The following SUGCT variants were observed in gnomAD, a reference collection of about 807,000 sequenced individuals.
The protein encoded by SUGCT is succinyl-CoA:glutarate-CoA transferase, also known as succinyl-CoA:glutarate CoA-transferase.
A neutral mutation model predicts 55.0 loss-of-function variants in SUGCT; 41 were observed. The ratio of observed to expected loss-of-function variants is 0.74; its 90% CI spans 0.58 to 0.97. SUGCT has a LOEUF of 0.97. SUGCT is among the 50% of genes least tolerant of loss of function. The pLI, the probability that SUGCT is intolerant of heterozygous loss-of-function variation, is 0.00. For synonymous variants in SUGCT, 187 were observed against 200.4 expected, an observed-to-expected ratio of 0.93 and a Z score of 0.56; for missense variants, 568 against 547.8, an observed-to-expected ratio of 1.04 and a Z score of -0.37.
chr7:40,599,862 C>T (rs1033962381), intron 12 of SUGCT, among the ~76,000 whole-genome samples: 4 of 152,138 alleles, frequency 2.6e-5, no homozygotes, highest in African/African-American at 9.7e-5. Context: ...TATATGGATA[C>T]TGGTCTCAGC....
intron 8 of SUGCT, among the ~76,000 whole-genome samples, chr7:40,309,977 A>C (rs1170895401): frequency 3.3e-5 from 5 of 152,080 alleles, no homozygotes; most frequent in African/African-American, 9.7e-5. Context: ...ATGTGTGCTA[A>C]ATTCTAAATA....
chr7:40,632,679 T>G (rs1201516570), intron 12 of SUGCT, among the ~76,000 whole-genome samples: 2 of 151,964 alleles, frequency 1.3e-5, no homozygotes, highest in African/African-American at 4.8e-5. Flanking sequence ...ATTCATTTGT[T>G]CAAAAAAGAT....
chr7:40,488,990 A>C (rs1791535975), intron 11 of SUGCT, among the ~76,000 whole-genome samples: 1 of 152,128 alleles, frequency 6.6e-6, no homozygotes, highest in South Asian at 2.1e-4. Context: ...TTTTTCCATG[A>C]ACAAATATTT....
chr7:40,407,434 T>C (rs1786432183), intron 9 of SUGCT, among the ~76,000 whole-genome samples: 1 of 151,838 alleles, frequency 6.6e-6, no homozygotes, highest in Admixed American at 6.6e-5. Flanking sequence ...TTAAAGTTGA[T>C]GAAAATATAA....
intron 8 of SUGCT, among the ~76,000 whole-genome samples, chr7:40,280,729 T>C (rs2151017767): frequency 6.6e-6 from 1 of 152,356 alleles, no homozygotes; most frequent in Non-Finnish European, 1.5e-5. Flanking sequence ...TCTGCTTTTT[T>C]AAGCAACTCT....
At chr7:41,017,619 A>T in the SUGCT span, among the ~76,000 whole-genome samples, 1 of 151,842 alleles carries the variant, frequency 6.6e-6, no homozygotes, top group Non-Finnish European at 1.5e-5. Context: ...AAATACAAAA[A>T]ACTTAGCCGG....
intron 6 of SUGCT, among the ~76,000 whole-genome samples, chr7:40,225,411 T>C (rs1584390319): frequency 1.3e-5 from 2 of 151,808 alleles, no homozygotes; most frequent in South Asian, 4.2e-4. Flanking sequence ...ATTAATCAGA[T>C]TTTTGGTCTT....
rs144864037 is a variant in SUGCT, at chr7:40,414,401, A to G, written c.817-34886A>G. ...ATCTAGGTTTTCAGGTCAAATAAAC[A>G]TAGTATATATAGGGCTCAGTGCTGT... On this transcript the variant is annotated intron_variant, in intron 9 of 13. Transcript: ENST00000335693. Among the ~76,000 whole-genome samples the G allele has an allele frequency of 6.2e-3, 950 of 152,278 alleles. 17 individuals are homozygous for G. Among genetic ancestry groups the G allele is most frequent in the African/African-American group, 0.022 (901 of 41,562 alleles).
the SUGCT span, among the ~76,000 whole-genome samples, chr7:40,946,211 C>T: frequency 6.6e-6 from 1 of 151,508 alleles, no homozygotes; most frequent in African/African-American, 2.4e-5. Context: ...TTTATGCTTG[C>T]TTTATACTAC....
chr7:40,622,762 G>C (rs1419084889), intron 12 of SUGCT, among the ~76,000 whole-genome samples: 1 of 151,764 alleles, frequency 6.6e-6, no homozygotes, highest in Admixed American at 6.6e-5. Context: ...GTCGGGGTGG[G>C]AAGATCTAAT....
chr7:40,868,260 A>G, the SUGCT span, among the ~76,000 whole-genome samples: 1 of 152,182 alleles, frequency 6.6e-6, no homozygotes, highest in Admixed American at 6.5e-5. Flanking sequence ...ATAGGTATAC[A>G]TGTGCCATGT....
At chr7:40,168,909 C>T (rs896066847) in intron 1 of SUGCT, among the ~76,000 whole-genome samples, 10 of 152,186 alleles carry the variant, frequency 6.6e-5, no homozygotes, top group Non-Finnish European at 1.0e-4. Context: ...CTTTTGGCTT[C>T]GGTATCTGCT....
intron 13 of SUGCT, among the ~76,000 whole-genome samples, chr7:40,774,993 T>C (rs551521354): frequency 5.4e-4 from 83 of 152,324 alleles, no homozygotes; most frequent in African/African-American, 1.9e-3. Context: ...GGAAAATATA[T>C]GTATTTCACA....
chr7:40,723,399 C>T (rs1365831654), intron 12 of SUGCT, among the ~76,000 whole-genome samples: 1 of 152,178 alleles, frequency 6.6e-6, no homozygotes, highest in African/African-American at 2.4e-5. Flanking sequence ...TTCTCCGTAT[C>T]TTTCCCCTTT....
intron 9 of SUGCT, among the ~76,000 whole-genome samples, chr7:40,366,579 A>T (rs1369262302): frequency 6.6e-6 from 1 of 152,188 alleles, no homozygotes; most frequent in East Asian, 1.9e-4. Flanking sequence ...AAAAAAACAA[A>T]CAATCCCATC....
intron 13 of SUGCT, among the ~76,000 whole-genome samples, chr7:40,770,864 AATGCCTTT>A (rs1789064213): frequency 6.6e-6 from 1 of 152,150 alleles, no homozygotes; most frequent in African/African-American, 2.4e-5. Flanking sequence ...CACTGTGTCA[AATGCCTTT>A]ATAACCTTGG....
intron 12 of SUGCT, among the ~76,000 whole-genome samples, chr7:40,500,004 A>G (rs535199632): frequency 3.3e-5 from 5 of 152,322 alleles, no homozygotes; most frequent in African/African-American, 1.2e-4. Context: ...TCCTGCAAAC[A>G]TAGGTATATA....
intron 9 of SUGCT, among the ~76,000 whole-genome samples, chr7:40,408,309 T>G (rs1786490400): frequency 6.6e-6 from 1 of 152,172 alleles, no homozygotes; most frequent in Admixed American, 6.6e-5. Flanking sequence ...GGAAACCTAG[T>G]CCTTATCATT....
intron 12 of SUGCT, among the ~76,000 whole-genome samples, chr7:40,693,602 C>T (rs73310278): frequency 0.098 from 14,950 of 152,162 alleles, 1,108 homozygotes; most frequent in East Asian, 0.26. Context: ...CTGTGCTATA[C>T]TGCCTCTGAA....
Sources: gnomAD v4.1 joint callset for allele counts (sites outside exome capture counted in the v4.1 genomes callset) on GRCh38, gnomAD v4.1.1 for gene constraint, MANE v1.5 for transcripts, NCBI Gene and HGNC (gene_info 2026-07-23, HGNC 2026-07-21) for gene names.